Variants in CLK3 observed in about 807,000 individuals in gnomAD.
CLK3 encodes the protein CDC like kinase 3.
A neutral mutation model predicts 65.2 loss-of-function variants in CLK3; 24 were observed. That is an observed-to-expected ratio of 0.37 (90% CI 0.27 to 0.52). CLK3 has a LOEUF of 0.52. Among genes scored for constraint, CLK3 ranks in the 20% least tolerant of loss-of-function variants. The pLI is 0.92. For missense variants in CLK3, 506 were observed against 660.0 expected, an observed-to-expected ratio of 0.77 and a Z score of 2.56; for synonymous variants, 252 against 240.8, an observed-to-expected ratio of 1.05 and a Z score of -0.43.
rs2062106049 is a variant in CLK3 at position 74,621,837 on chromosome 15, C to T, written c.370-283C>T. ...AGGTCATCTTCCTGAGCGTTTGTGG[C>T]GCTCCTCTTAAAGATAATGTCCGAG... On this transcript the variant is annotated intron_variant, in intron 3 of 12. Coordinates refer to ENST00000395066, the MANE Select transcript of CLK3 (RefSeq NM_001130028.2). The surrounding 1 kb of genome is among the most constrained non-coding windows in gnomAD (Gnocchi z 4.8). 1.4e-5 allele frequency: 6 copies of T among 417,502 alleles called. No homozygotes were observed. The highest frequency in any genetic ancestry group is 3.8e-5 in the South Asian group (2 of 51,956). 25.9% of individuals were successfully genotyped at this position (417,502 alleles called of 1,614,324 possible).
rs1437561086 is a variant in CLK3 at position 74,627,767 on chromosome 15, G to A, written c.1042+99G>A. 6.5e-6 allele frequency: 10 copies of A among 1,548,046 alleles called. No homozygotes were observed. Among genetic ancestry groups the A allele is most frequent in the Non-Finnish European group, 8.9e-6 (10 of 1,129,518 alleles). Reference sequence around the variant, plus strand: ...TGCCTGTCATTCTCTGCCACCCAGGGCAGGCAGAGTTTCTCAGACCAAGGG... The same window carrying A: ...TGCCTGTCATTCTCTGCCACCCAGGACAGGCAGAGTTTCTCAGACCAAGGG... On this transcript the variant is annotated intron_variant, in intron 9 of 12. Coordinates refer to ENST00000395066, the MANE Select transcript of CLK3 (RefSeq NM_001130028.2). The surrounding 1 kb of genome is among the most constrained non-coding windows in gnomAD (Gnocchi z 4.3).
At chr15:74,620,263 G>A (rs1888908089) in intron 3 of CLK3, 38 bp downstream of exon 3, 1 of 1,610,600 alleles carries the variant, frequency 6.2e-7, no homozygotes, top group African/African-American at 1.3e-5. Flanking sequence ...GGGGCTTAAA[G>A]GCCTCATCTC....
chr15:74,627,461 A>T lies in CLK3; in HGVS notation c.912+15A>T, dbSNP rs765595749. ...ATGAGCACAAGGTATTGGTGGGGGT[A>T]AGGGTGAGGCCCTGTTTCAGGGGTG... On this transcript the variant is annotated intron_variant, in intron 8 of 12. Transcript: ENST00000395066. This position sits in a 1 kb window ranked among gnomAD's most constrained non-coding sequence, Gnocchi z 4.3. 8 of 1,613,934 alleles carry T rather than the reference A, an allele frequency of 5.0e-6. No individual in the cohort carries two copies. In the South Asian group the frequency reaches 8.8e-5, roughly 18 times the overall value.
intron 1 of CLK3, among the ~76,000 whole-genome samples, chr15:74,616,893 A>C (rs1476391912): frequency 2.0e-5 from 3 of 152,198 alleles, no homozygotes; most frequent in Non-Finnish European, 4.4e-5. Flanking sequence ...GGTTTTCTTC[A>C]TATCACCTTT....
chr15:74,628,064 C>G lies in CLK3; in HGVS notation c.1125+12C>G. 6.3e-7 allele frequency: 1 copy of G among 1,581,802 alleles called. No homozygotes were observed. Among genetic ancestry groups the G allele is most frequent in the Non-Finnish European group, 8.7e-7 (1 of 1,150,462 alleles). ...TCACACTCTTCCAGGTACAGCCACC[C>G]TGCATTGGTCCCCTACCCTGAGTAC... On this transcript the variant is annotated intron_variant, in intron 10 of 12. Coordinates refer to ENST00000395066, the MANE Select transcript of CLK3 (RefSeq NM_001130028.2).
intron 1 of CLK3, among the ~76,000 whole-genome samples, chr15:74,618,924 C>T (rs942196521): frequency 2.0e-5 from 3 of 152,254 alleles, no homozygotes; most frequent in Non-Finnish European, 2.9e-5. Flanking sequence ...CTGGCCCTGG[C>T]TCACCCAGTT....
chr15:74,614,258 C>A (rs1033426717), upstream of CLK3, among the ~76,000 whole-genome samples: 8 of 152,222 alleles, frequency 5.3e-5, no homozygotes, highest in Admixed American at 3.9e-4. Flanking sequence ...AGGTGATCAT[C>A]CACCTCAGCC....
chr15:74,623,486 C>G (rs908939952), intron 5 of CLK3: 1 of 152,280 alleles, frequency 6.6e-6, no homozygotes, highest in Non-Finnish European at 1.5e-5. Context: ...CAGACCCAGG[C>G]GTCCAGCCTT....
At position 74,624,787 on chromosome 15, in the gene CLK3, C is replaced by G; in HGVS notation, c.534-115C>G. 1 of 744,184 alleles carries G rather than the reference C, an allele frequency of 1.3e-6. No homozygotes were observed. Among genetic ancestry groups the G allele is most frequent in the Non-Finnish European group, 2.4e-6 (1 of 420,020 alleles). The allele number at this position is 744,184 out of a possible 1,614,324, so 46.1% of individuals were successfully genotyped here. A position where few individuals can be genotyped will look rare whatever the true frequency, so the allele number is the denominator to read the frequency against. On this transcript the variant is annotated intron_variant, in intron 5 of 12. Coordinates refer to ENST00000395066, the MANE Select transcript of CLK3 (RefSeq NM_001130028.2). The surrounding 1 kb of genome is among the most constrained non-coding windows in gnomAD (Gnocchi z 4.2). ...CTGGGCATCCAGTATCTGCTCTCTT[C>G]AGTGCCGGCTGCTCCTGGAGTGGTG...
intron 1 of CLK3, among the ~76,000 whole-genome samples, chr15:74,610,250 G>T (rs955583208): frequency 1.3e-5 from 2 of 152,214 alleles, no homozygotes; most frequent in African/African-American, 4.8e-5. Flanking sequence ...AGAAGGGATG[G>T]TCTGCCTGTT....
At chr15:74,612,662 C>G (rs143166511), upstream of CLK3, among the ~76,000 whole-genome samples, 3 of 152,316 alleles carry the variant, frequency 2.0e-5, no homozygotes, top group Non-Finnish European at 2.9e-5. Flanking sequence ...AGGCCTTCTC[C>G]CCACTGGACA....
Position 74,627,197 on chromosome 15 carries a change from G to T in CLK3, c.818-155G>T, listed in dbSNP as rs529565530. On this transcript the variant is annotated intron_variant, in intron 7 of 12. Transcript: ENST00000395066. This position sits in a 1 kb window ranked among gnomAD's most constrained non-coding sequence, Gnocchi z 4.3. ...AGTACAGAGAACCCTTGAGAGGGAGGCCAGCACAGAGGCAGGCTGTAGTCC... is the reference window on the plus strand; with the variant it reads ...AGTACAGAGAACCCTTGAGAGGGAGTCCAGCACAGAGGCAGGCTGTAGTCC... 1.7e-4 allele frequency: 128 copies of T among 736,202 alleles called. 1 individual carries two copies. Among genetic ancestry groups the T allele is most frequent in the South Asian group, 1.7e-3 (119 of 68,450 alleles). The allele number at this position is 736,202 out of a possible 1,614,324, so 45.6% of individuals were successfully genotyped here.
At chr15:74,616,031 C>G in intron 1 of CLK3, 133 bp downstream of exon 1, 1 of 678,318 alleles carries the variant, frequency 1.5e-6, no homozygotes, top group East Asian at 3.4e-5. Flanking sequence ...CATATCGGGC[C>G]GCGACCTCTC....
In CLK3 at chr15:74,624,726, T is replaced by A; in HGVS notation, c.534-176T>A. ...CTCACAGATCTCAGGGAGCTTGCTG[T>A]TGGGTGGGCAAAGGTCTGGTGTTGC... is the stretch of plus-strand genomic sequence containing the variant. On this transcript the variant is annotated intron_variant, in intron 5 of 12. Transcript: ENST00000395066. This position sits in a 1 kb window ranked among gnomAD's most constrained non-coding sequence, Gnocchi z 4.2. 1.6e-6 allele frequency: 1 copy of A among 608,138 alleles called. No individual in the cohort carries two copies. Among genetic ancestry groups the A allele is most frequent in the Non-Finnish European group, 3.0e-6 (1 of 333,456 alleles). 37.7% of individuals were successfully genotyped at this position (608,138 alleles called of 1,614,324 possible).
chr15:74,621,618 G>T lies in CLK3; in HGVS notation c.370-502G>T, dbSNP rs539994513. ...GGCTGGGCATTCTGCAGCTGAAGCC[G>T]GAGCAGCCGCTGACCAGTCTGGATG... On this transcript the variant is annotated intron_variant, in intron 3 of 12. Coordinates refer to ENST00000395066, the MANE Select transcript of CLK3 (RefSeq NM_001130028.2). This position sits in a 1 kb window ranked among gnomAD's most constrained non-coding sequence, Gnocchi z 4.8. 8.3e-5 allele frequency: 20 copies of T among 241,114 alleles called. No individual in the cohort carries two copies. Among genetic ancestry groups the T allele is most frequent in the African/African-American group, 3.8e-4 (17 of 44,828 alleles). 14.9% of individuals were successfully genotyped at this position (241,114 alleles called of 1,614,324 possible). A position where few individuals can be genotyped will look rare whatever the true frequency, so the allele number is the denominator to read the frequency against.
intron 10 of CLK3, 54 bp downstream of exon 10, chr15:74,628,106 T>A: frequency 8.0e-7 from 1 of 1,242,666 alleles, no homozygotes; most frequent in Non-Finnish European, 1.2e-6. Context: ...TGTGATAGGC[T>A]GCAGGCCACT....
rs140794852 is a variant in CLK3, at chr15:74,616,216, C to T, written c.-1+318C>T. On this transcript the variant is annotated intron_variant, in intron 1 of 12. Coordinates refer to ENST00000395066, the MANE Select transcript of CLK3 (RefSeq NM_001130028.2). ...TCCGACGTAGAAGAGCCAGAGAAGC[C>T]CTTCAGACCCCTCCCCTACCCCTGG... Among the ~76,000 whole-genome samples, 44 of 152,358 alleles carry T rather than the reference C, an allele frequency of 2.9e-4. No homozygotes were observed. In the South Asian group the frequency reaches 5.8e-3, roughly 20 times the overall value.
In CLK3 at chr15:74,622,011, C is replaced by A; in HGVS notation, c.370-109C>A. ...TGGAAAATCCAACCAACCAACCCAC[C>A]GGCTCCTCACCGTCTCCACCTCTGC... On this transcript the variant is annotated intron_variant, in intron 3 of 12. Coordinates refer to ENST00000395066, the MANE Select transcript of CLK3 (RefSeq NM_001130028.2). The surrounding 1 kb of genome is among the most constrained non-coding windows in gnomAD (Gnocchi z 4.6). 1.0e-6 allele frequency: 1 copy of A among 969,010 alleles called. No homozygotes were observed. The highest frequency in any genetic ancestry group is 1.6e-6 in the Non-Finnish European group (1 of 609,848). The allele number at this position is 969,010 out of a possible 1,614,324, so 60.0% of individuals were successfully genotyped here.
rs1443990503 is a variant in CLK3, at chr15:74,624,877, CCT to C, written c.534-22_534-21del. ...AGGACTGGGCAGCTGCTGATGAGAACCTCTGTTTCCTTCCCGGGTACCAGAGG... is the reference window on the plus strand; with the variant it reads ...AGGACTGGGCAGCTGCTGATGAGAACCTGTTTCCTTCCCGGGTACCAGAGG... On this transcript the variant is annotated intron_variant, in intron 5 of 12. Transcript: ENST00000395066. This position sits in a 1 kb window ranked among gnomAD's most constrained non-coding sequence, Gnocchi z 4.2. 1.3e-6 allele frequency: 2 copies of C among 1,558,540 alleles called. No homozygotes were observed. The highest frequency in any genetic ancestry group is 1.8e-5 in the Admixed American group (1 of 55,728).
Sources: gnomAD v4.1 joint callset for allele counts (sites outside exome capture counted in the v4.1 genomes callset) on GRCh38, gnomAD v4.1.1 for gene constraint, Gnocchi (gnomAD v3.1) non-coding constraint, MANE v1.5 for transcripts, NCBI Gene and HGNC (gene_info 2026-07-23, HGNC 2026-07-21) for gene names.